The following LBH variants were observed in gnomAD, a reference collection of about 807,000 sequenced individuals.
LBH encodes LBH regulator of Wnt signaling pathway.
In LBH, 7 loss-of-function variants were observed where a neutral mutation model predicts 12.5. The observed-to-expected ratio is 0.56, with a 90% CI of 0.32 to 1.05. The LOEUF is 1.05. LBH is among the 50% of genes least tolerant of loss of function. The probability of loss-of-function intolerance (pLI) is 0.04; values close to 1 mark genes in which losing one functional copy is unlikely to be tolerated. For synonymous variants in LBH, 51 were observed against 50.1 expected, an observed-to-expected ratio of 1.02 and a Z score of -0.08; for missense variants, 119 against 138.9, an observed-to-expected ratio of 0.86 and a Z score of 0.72.
At position 30,243,361 on chromosome 2, in the gene LBH, G is replaced by A. The variant is rs80114075; in HGVS notation, c.129+8854G>A. Among the ~76,000 whole-genome samples the A allele has an allele frequency of 5.2e-3, 789 of 152,170 alleles. 9 individuals are homozygous for A. The highest frequency in any genetic ancestry group is 0.018 in the African/African-American group (746 of 41,494). ...TGACATTGAGCATTGTGTAAACCTT[G>A]AAGAAGACCAGTAAAATTACATTGT... On this transcript the variant is annotated intron_variant, in intron 2 of 2. Coordinates refer to ENST00000395323, the MANE Select transcript of LBH (RefSeq NM_030915.4).
intron 2 of LBH, among the ~76,000 whole-genome samples, chr2:30,242,623 T>A (rs1677809749): frequency 6.6e-6 from 1 of 152,230 alleles, no homozygotes; most frequent in African/African-American, 2.4e-5. Flanking sequence ...TTTCTATCAC[T>A]GAAACATTTT....
At chr2:30,244,420 A>C (rs577082466) in intron 2 of LBH, among the ~76,000 whole-genome samples, 11 of 152,218 alleles carry the variant, frequency 7.2e-5, no homozygotes, top group Non-Finnish European at 1.6e-4. Context: ...TCCAAAGGAC[A>C]TGATGGCAGG....
chr2:30,234,417 G>A lies in LBH; in HGVS notation c.39G>A (p.Leu13=). Reference sequence around the variant, plus strand: ...GGTTTCTTGGCAGCCCCGACTATCTGAGATCGGCCAAGATGACTGAGGTGA... The same window carrying A: ...GGTTTCTTGGCAGCCCCGACTATCTAAGATCGGCCAAGATGACTGAGGTGA... The part of the protein sequence containing the change: ...IYFPIHCPDY[L]RSAKMTEVMM... Residue 13 remains leucine, a synonymous_variant, in exon 2 of 3, where the codon CTG becomes CTA. Coordinates refer to ENST00000395323, the MANE Select transcript of LBH (RefSeq NM_030915.4). The A allele has an allele frequency of 1.2e-6, 2 of 1,614,104 alleles. No individual in the cohort carries two copies. The highest frequency in any genetic ancestry group is 1.7e-6 in the Non-Finnish European group (2 of 1,179,928).
chr2:30,257,691 C>G lies in LBH; in HGVS notation c.*70C>G, dbSNP rs371581843. 2 of 1,224,690 alleles carry G rather than the reference C, an allele frequency of 1.6e-6. No homozygotes were observed. The highest frequency in any genetic ancestry group is 2.2e-6 in the Non-Finnish European group (2 of 892,762). The allele number at this position is 1,224,690 out of a possible 1,614,324, so 75.9% of individuals were successfully genotyped here. On this transcript the variant is annotated 3_prime_UTR_variant, in exon 3 of 3. Transcript: ENST00000395323. ...CTGAACTGTGTTTTTCCCATCATGA[C>G]GGAAGAAGAGAGTGAGCCGCAATTG...
At chr2:30,249,050 G>T (rs2103561215) in intron 2 of LBH, among the ~76,000 whole-genome samples, 1 of 139,862 alleles carries the variant, frequency 7.1e-6, no homozygotes, top group African/African-American at 3.3e-5. Flanking sequence ...GTCCAGGGGA[G>T]ATTTAAGGAA....
At chr2:30,250,464 G>A (rs1195542138) in intron 2 of LBH, among the ~76,000 whole-genome samples, 6 of 151,534 alleles carry the variant, frequency 4.0e-5, no homozygotes, top group African/African-American at 1.5e-4. Context: ...CAGAGCCCTC[G>A]GCCTCTTTGT....
At chr2:30,236,599 G>A (rs944915686) in intron 2 of LBH, among the ~76,000 whole-genome samples, 1 of 152,240 alleles carries the variant, frequency 6.6e-6, no homozygotes, top group Non-Finnish European at 1.5e-5. Context: ...AAGAGGAAAG[G>A]GAGATTGTAG....
chr2:30,235,202 C>T (rs976444803), intron 2 of LBH, among the ~76,000 whole-genome samples: 1 of 152,162 alleles, frequency 6.6e-6, no homozygotes, highest in Non-Finnish European at 1.5e-5. Context: ...CCTGCTGCCT[C>T]TCTACTGCCC....
At position 30,259,493 on chromosome 2, in the gene LBH, C is replaced by T. The variant is rs1024047096; in HGVS notation, c.*1872C>T. The stretch of plus-strand genomic sequence containing the variant: ...TGGTTCATCCATACTCTCATTCCCT[C>T]GCCTCCCCTTGTGGACGGGGGTCTT... On this transcript the variant is annotated 3_prime_UTR_variant, in exon 3 of 3. Coordinates refer to ENST00000395323, the MANE Select transcript of LBH (RefSeq NM_030915.4). 4.6e-5 allele frequency: 7 copies of T among 153,120 alleles called. No individual in the cohort carries two copies. The highest frequency in any genetic ancestry group is 1.7e-4 in the African/African-American group (7 of 41,404). The allele number at this position is 153,120 out of a possible 1,614,324, so 9.5% of individuals were successfully genotyped here.
intron 2 of LBH, among the ~76,000 whole-genome samples, chr2:30,255,231 C>T (rs1180098913): frequency 1.3e-5 from 2 of 152,244 alleles, no homozygotes. Context: ...TGTGTCCTCA[C>T]AGCCCATGGG....
At chr2:30,254,505 A>G (rs1480302541) in intron 2 of LBH, among the ~76,000 whole-genome samples, 2 of 152,006 alleles carry the variant, frequency 1.3e-5, no homozygotes, top group African/African-American at 2.4e-5. Context: ...TCATCATTAG[A>G]TTTTTTTCCT....
In LBH at chr2:30,248,487, C is replaced by CA. The variant is rs545615530; in HGVS notation, c.130-8939dup. Among the ~76,000 whole-genome samples, 185 of 152,012 alleles carry CA rather than the reference C, an allele frequency of 1.2e-3. 2 individuals are homozygous for CA. The Middle Eastern group carries it at 0.024, about 20-fold the overall frequency. The stretch of plus-strand genomic sequence containing the variant: ...GCTAAATATTCAAGATTTGTGTTTC[C>CA]AAAAAAAGAATGCGGGGATAGTTAG... On this transcript the variant is annotated intron_variant, in intron 2 of 2. Transcript: ENST00000395323.
intron 2 of LBH, among the ~76,000 whole-genome samples, chr2:30,243,799 G>T (rs900945020): frequency 6.6e-6 from 1 of 151,900 alleles, no homozygotes; most frequent in Non-Finnish European, 1.5e-5. Flanking sequence ...AAATTGCTGG[G>T]ATTACAGACG....
chr2:30,232,143 C>T, intron 1 of LBH: 1 of 1,545,918 alleles, frequency 6.5e-7, no homozygotes, highest in Non-Finnish European at 8.7e-7. Flanking sequence ...CGGGCCCCTC[C>T]TCTTTTTCTT....
intron 2 of LBH, among the ~76,000 whole-genome samples, chr2:30,246,140 G>A (rs1279489159): frequency 1.3e-5 from 2 of 151,842 alleles, no homozygotes; most frequent in Non-Finnish European, 2.9e-5. Flanking sequence ...TGTGTTTTTA[G>A]TAGAAATGAG....
intron 2 of LBH, among the ~76,000 whole-genome samples, chr2:30,253,400 C>T (rs763895754): frequency 1.3e-5 from 2 of 151,776 alleles, no homozygotes; most frequent in Non-Finnish European, 2.9e-5. Flanking sequence ...ATTTTGAGGC[C>T]CAAATGGGTA....
rs200110579 is a variant in LBH at position 30,231,810 on chromosome 2, C to T, written c.26+46C>T. The T allele has an allele frequency of 7.5e-5, 114 of 1,525,244 alleles. 3 individuals carry two copies. In the African/African-American group the frequency reaches 1.5e-3, roughly 20 times the overall value. 94.5% of individuals were successfully genotyped at this position (1,525,244 alleles called of 1,614,324 possible). On this transcript the variant is annotated intron_variant, in intron 1 of 2. Coordinates refer to ENST00000395323, the MANE Select transcript of LBH (RefSeq NM_030915.4). ...GCGGGCGTCTGTCTCGCGGCGGTGG[C>T]TGCGGGCCCGGGCGCCTGCTTCGTG...
In LBH at chr2:30,245,976, T is replaced by C. The variant is rs77092200; in HGVS notation, c.130-11457T>C. Among the ~76,000 whole-genome samples, 19 of 140,404 alleles carry C rather than the reference T, an allele frequency of 1.4e-4. No individual in the cohort carries two copies. In the East Asian group the frequency reaches 1.4e-3, roughly 11 times the overall value. The allele number at this position is 140,404 out of a possible 152,430, so 92.1% of individuals were successfully genotyped here. A position where few individuals can be genotyped will look rare whatever the true frequency, so the allele number is the denominator to read the frequency against. Reference sequence around the variant, plus strand: ...TTACATAGTCTTTTTTTTTTTTTTTTCCCTTGAGACACAATCTCACTCCGT... The same window carrying C: ...TTACATAGTCTTTTTTTTTTTTTTTCCCCTTGAGACACAATCTCACTCCGT... On this transcript the variant is annotated intron_variant, in intron 2 of 2. Coordinates refer to ENST00000395323, the MANE Select transcript of LBH (RefSeq NM_030915.4).
At chr2:30,255,234 C>T (rs1054368113) in intron 2 of LBH, among the ~76,000 whole-genome samples, 14 of 152,248 alleles carry the variant, frequency 9.2e-5, no homozygotes, top group African/African-American at 3.4e-4. Flanking sequence ...GTCCTCACAG[C>T]CCATGGGGGG....
Sources: gnomAD v4.1 joint callset for allele counts (sites outside exome capture counted in the v4.1 genomes callset) on GRCh38, gnomAD v4.1.1 for gene constraint, MANE v1.5 for transcripts, NCBI Gene and HGNC (gene_info 2026-07-23, HGNC 2026-07-21) for gene names.